EVC: variants seen among roughly 807,000 people sequenced by gnomAD.
EVC encodes EvC ciliary complex subunit 1.
A neutral mutation model predicts 118.9 loss-of-function variants in EVC; 116 were observed. The observed-to-expected ratio is 0.98, with a 90% CI of 0.84 to 1.14. The LOEUF (loss-of-function observed/expected upper bound fraction) is 1.14. Ranked by LOEUF, EVC falls within the 50% of genes most tolerant of loss-of-function variation. The probability of loss-of-function intolerance (pLI) is 0.00; values close to 1 mark genes in which losing one functional copy is unlikely to be tolerated. For synonymous variants in EVC, 619 were observed against 534.7 expected, an observed-to-expected ratio of 1.16 and a Z score of -2.18; for missense variants, 1,401 against 1,246.4, an observed-to-expected ratio of 1.12 and a Z score of -1.87.
the EVC span, among the ~76,000 whole-genome samples, chr4:5,822,984 C>A: frequency 6.6e-6 from 1 of 152,168 alleles, no homozygotes; most frequent in African/African-American, 2.4e-5. Context: ...CCCACTGTAC[C>A]CTTTCATACT....
chr4:5,760,776 T>G (rs978915895), intron 11 of EVC, among the ~76,000 whole-genome samples: 1 of 152,136 alleles, frequency 6.6e-6, no homozygotes, highest in Non-Finnish European at 1.5e-5. Context: ...GGTCTCGAAC[T>G]CCTGACCTCA....
rs1409137776 is a variant in EVC at position 5,764,154 on chromosome 4, G to A, written c.1563+7792G>A. 1.0e-3 allele frequency among the ~76,000 whole-genome samples: 144 copies of A among 142,874 alleles called. 1 individual carries two copies. Among genetic ancestry groups the A allele is most frequent in the African/African-American group, 3.6e-3 (139 of 38,342 alleles). 93.7% of individuals were successfully genotyped at this position (142,874 alleles called of 152,430 possible). Reference sequence around the variant, plus strand: ...CAAAGGCCTTTTCTGCATCTATTGAGATAATCATGTGGTTTTTGTCTTTGG... The same window carrying A: ...CAAAGGCCTTTTCTGCATCTATTGAAATAATCATGTGGTTTTTGTCTTTGG... On this transcript the variant is annotated intron_variant, in intron 11 of 20. Transcript: ENST00000264956.
At position 5,804,931 on chromosome 4, in the gene EVC, G is replaced by A. The variant is rs112874041; in HGVS notation, c.2561+90G>A. 2,962 of 1,154,842 alleles carry A rather than the reference G, an allele frequency of 2.6e-3. 58 individuals are homozygous for A. In the African/African-American group the frequency reaches 0.039, roughly 15 times the overall value. The allele number at this position is 1,154,842 out of a possible 1,614,324, so 71.5% of individuals were successfully genotyped here. ...TGTGGTGCCGTCAGCAGGTGCCGTC[G>A]CGTGCATTGCCCGTGGACTTGGGGG... is the stretch of plus-strand genomic sequence containing the variant. On this transcript the variant is annotated intron_variant, in intron 17 of 20. Transcript: ENST00000264956.
chr4:5,818,354 G>T (rs918560967), downstream of EVC, among the ~76,000 whole-genome samples: 1 of 152,112 alleles, frequency 6.6e-6, no homozygotes, highest in African/African-American at 2.4e-5. Flanking sequence ...AAATGCAGAG[G>T]GGCCAGAACC....
intron 1 of EVC, among the ~76,000 whole-genome samples, chr4:5,712,868 A>G (rs867690): frequency 0.83 from 126,193 of 152,212 alleles, 52,608 homozygotes; most frequent in African/African-American, 0.91. Flanking sequence ...GTCCTGTGCA[A>G]TGTTTATAGA....
Position 5,742,510 on chromosome 4 carries a change from G to A in EVC, c.801+696G>A, listed in dbSNP as rs1728754664. ...CAGTTCTCTTCTTCATCATGTCATT[G>A]TTGTCATCACCATAAACACCATCAT... is the stretch of plus-strand genomic sequence containing the variant. On this transcript the variant is annotated intron_variant, in intron 6 of 20. Transcript: ENST00000264956. The surrounding 1 kb of genome is among the most constrained non-coding windows in gnomAD (Gnocchi z 5.2). 6.6e-6 allele frequency among the ~76,000 whole-genome samples: 1 copy of A among 151,912 alleles called. No homozygotes were observed. Among genetic ancestry groups the A allele is most frequent in the South Asian group, 2.1e-4 (1 of 4,804 alleles).
downstream of EVC, among the ~76,000 whole-genome samples, chr4:5,816,642 CTCTCCCTTCCCTCCCTCCTTCCCCT>C (rs1717730224): frequency 7.4e-6 from 1 of 135,814 alleles, no homozygotes. Flanking sequence ...TCCTTCCCCT[CTCTCCCTTCCCTCCCTCCTTCCCCT>C]CTCTCCCTTC....
chr4:5,785,274 AGCAGTCTCAGACAGCCC>A (rs1402953263), intron 12 of EVC, among the ~76,000 whole-genome samples: 6 of 152,312 alleles, frequency 3.9e-5, no homozygotes, highest in South Asian at 2.1e-4. Flanking sequence ...CAGATGGTGG[AGCAGTCTCAGACAGCCC>A]TGAGCCCCTG....
the EVC span, among the ~76,000 whole-genome samples, chr4:5,822,064 C>T: frequency 1.3e-5 from 2 of 152,176 alleles, no homozygotes; most frequent in Admixed American, 1.3e-4. Flanking sequence ...CCACCTTCAG[C>T]CCTGACCACC....
chr4:5,757,423 T>C (rs533493136), intron 11 of EVC, among the ~76,000 whole-genome samples: 4 of 152,200 alleles, frequency 2.6e-5, no homozygotes, highest in Non-Finnish European at 5.9e-5. Flanking sequence ...GGAGCTGCAC[T>C]GGGGTCAGTC....
chr4:5,827,619 C>T, the EVC span, among the ~76,000 whole-genome samples: 8,084 of 151,868 alleles, frequency 0.053, 229 homozygotes, highest in African/African-American at 0.063. Context: ...TACACACACG[C>T]GCACACACAC....
chr4:5,740,581 A>G (rs1728389894), intron 5 of EVC, among the ~76,000 whole-genome samples: 1 of 152,204 alleles, frequency 6.6e-6, no homozygotes, highest in South Asian at 2.1e-4. Context: ...ACAGAAGGAA[A>G]AATTAACTGG....
chr4:5,819,641 C>T, the EVC span, among the ~76,000 whole-genome samples: 3 of 152,334 alleles, frequency 2.0e-5, no homozygotes, highest in African/African-American at 7.2e-5. Flanking sequence ...CCACTTCCAC[C>T]CTGACAGGAC....
At chr4:5,751,709 C>T (rs1299020295) in intron 8 of EVC, among the ~76,000 whole-genome samples, 1 of 152,182 alleles carries the variant, frequency 6.6e-6, no homozygotes, top group African/African-American at 2.4e-5. Context: ...TCCTCGAAGA[C>T]AGGAGCCCTG....
chr4:5,731,590 G>A lies in EVC; in HGVS notation c.550G>A (p.Asp184Asn), dbSNP rs41269549. ...SSSSVHSATS[D>N]DRFLSRTFLR... is the part of the protein sequence containing the mutation. ...ATCCAGCGTCCACTCGGCCACCAGCGATGACAGGTTTCTCAGCCGCACCTT... is the reference window on the plus strand; with the variant it reads ...ATCCAGCGTCCACTCGGCCACCAGCAATGACAGGTTTCTCAGCCGCACCTT... The change falls in exon 4 of 21, where the codon GAT becomes AAT. Residue 184 changes from aspartate to asparagine, a missense_variant. Physicochemically the swap from Asp to Asn is conservative, Grantham distance 23. Transcript: ENST00000264956. The surrounding 1 kb of genome is among the most constrained non-coding windows in gnomAD (Gnocchi z 5.6). The A allele has an allele frequency of 2.4e-3, 3,942 of 1,614,140 alleles. 7 individuals carry two copies. Among genetic ancestry groups the A allele is most frequent in the Non-Finnish European group, 2.8e-3 (3,349 of 1,180,030 alleles).
Position 5,749,838 on chromosome 4 carries a change from G to C in EVC, c.1098+1532G>C, listed in dbSNP as rs1394248186. 6.6e-6 allele frequency among the ~76,000 whole-genome samples: 1 copy of C among 152,060 alleles called. No homozygotes were observed. The highest frequency in any genetic ancestry group is 1.5e-5 in the Non-Finnish European group (1 of 68,016). ...GAAAGCCAAGCCTCAACGGATCTTT[G>C]CCTCCCCTTGCACACCACATGCCTC... On this transcript the variant is annotated intron_variant, in intron 8 of 20. Transcript: ENST00000264956. This position sits in a 1 kb window ranked among gnomAD's most constrained non-coding sequence, Gnocchi z 4.4.
Position 5,801,936 on chromosome 4 carries a change from C to G in EVC, c.2305-14C>G. 1.2e-6 allele frequency: 2 copies of G among 1,612,484 alleles called. No homozygotes were observed. The highest frequency in any genetic ancestry group is 1.7e-6 in the Non-Finnish European group (2 of 1,179,812). ...GACTTCTCTGCTGTCCCTGTCCTTCCTTTCTTCCCTCAGAGGACACTGATG... is the reference window on the plus strand; with the variant it reads ...GACTTCTCTGCTGTCCCTGTCCTTCGTTTCTTCCCTCAGAGGACACTGATG... On this transcript the variant is annotated splice_polypyrimidine_tract_variant and intron_variant, in intron 15 of 20. Coordinates refer to ENST00000264956, the MANE Select transcript of EVC (RefSeq NM_153717.3).
intron 8 of EVC, among the ~76,000 whole-genome samples, chr4:5,751,992 C>G (rs1017121875): frequency 1.1e-4 from 17 of 152,152 alleles, no homozygotes; most frequent in Non-Finnish European, 2.1e-4. Context: ...CCATGGCTGA[C>G]AGAACCATCA....
At chr4:5,792,761 A>G (rs1713037011) in intron 12 of EVC, among the ~76,000 whole-genome samples, 1 of 152,230 alleles carries the variant, frequency 6.6e-6, no homozygotes. Flanking sequence ...CCAAACCAGT[A>G]GATTTCCTCC....
Sources: gnomAD v4.1 joint callset for allele counts (sites outside exome capture counted in the v4.1 genomes callset) on GRCh38, gnomAD v4.1.1 for gene constraint, Gnocchi (gnomAD v3.1) non-coding constraint, MANE v1.5 for transcripts, NCBI Gene and HGNC (gene_info 2026-07-23, HGNC 2026-07-21) for gene names.